SEMA6A: variants seen among roughly 807,000 people sequenced by gnomAD.
SEMA6A encodes semaphorin-6A.
In SEMA6A, 25 loss-of-function variants were observed where a neutral mutation model predicts 96.8. The ratio of observed to expected loss-of-function variants is 0.26; its 90% CI spans 0.19 to 0.36. The LOEUF (loss-of-function observed/expected upper bound fraction) is 0.36. SEMA6A is among the 10% of genes least tolerant of loss of function. The probability of loss-of-function intolerance (pLI) is 1.00; values close to 1 mark genes in which losing one functional copy is unlikely to be tolerated. For synonymous variants in SEMA6A, 612 were observed against 518.0 expected (o/e 1.18, Z -2.46); for missense variants, 1,363 against 1,323.1 (o/e 1.03, Z -0.47).
intron 18 of SEMA6A, among the ~76,000 whole-genome samples, chr5:116,450,472 G>A (rs2112584648): frequency 6.6e-6 from 1 of 152,318 alleles, no homozygotes; most frequent in Middle Eastern, 3.4e-3. Flanking sequence ...TGGGAAAACT[G>A]CAAATTTTTC....
intron 1 of SEMA6A, among the ~76,000 whole-genome samples, chr5:116,538,500 G>A (rs1187416417): frequency 6.6e-6 from 1 of 152,136 alleles, no homozygotes; most frequent in East Asian, 1.9e-4. Context: ...ATTATTTTCA[G>A]GTCCATGTTT....
intron 18 of SEMA6A, among the ~76,000 whole-genome samples, chr5:116,462,502 T>G (rs1055070295): frequency 2.0e-5 from 3 of 152,194 alleles, no homozygotes; most frequent in African/African-American, 7.2e-5. Flanking sequence ...GAGAAAAAAC[T>G]TGCCAGATGC....
In SEMA6A at chr5:116,447,790, A is replaced by G. The variant is rs745968384; in HGVS notation, c.1916T>C (p.Leu639Pro). ...GGGAACCAGCTGGTCGTGGCCTTTG[A>G]GGTAACTTTCCCGAATCACTCCTGC... ...DKKGVIRESY[L>P]KGHDQLVPVT... Residue 639 changes from leucine to proline, a missense_variant, in exon 19 of 19, where the codon CTC (leucine) becomes CCC (proline). Coordinates refer to ENST00000343348, the MANE Select transcript of SEMA6A (RefSeq NM_020796.5). 29 of 1,601,090 alleles carry G rather than the reference A, an allele frequency of 1.8e-5. No homozygotes were observed. Among genetic ancestry groups the G allele is most frequent in the Non-Finnish European group, 2.5e-5 (29 of 1,170,476 alleles).
At chr5:116,502,469 C>G in intron 2 of SEMA6A, 142 bp from the exon 3 acceptor site, 1 of 639,898 alleles carries the variant, frequency 1.6e-6, no homozygotes, top group Non-Finnish European at 2.8e-6. Context: ...CCATATGAGT[C>G]TGTTATTTTA....
chr5:116,473,217 G>T, intron 16 of SEMA6A, 124 bp from the exon 17 acceptor site: 1 of 890,734 alleles, frequency 1.1e-6, no homozygotes, highest in Non-Finnish European at 1.7e-6. Flanking sequence ...CTAAGTAAGT[G>T]CTTTTTAATT....
chr5:116,494,078 C>T (rs569154181), intron 6 of SEMA6A, among the ~76,000 whole-genome samples: 13 of 152,308 alleles, frequency 8.5e-5, no homozygotes, highest in Admixed American at 5.9e-4. Context: ...CTCTCTTTAT[C>T]CTGTGCTTAT....
chr5:116,536,896 C>CAAAAAAAAAAAAA (rs1344678482), intron 1 of SEMA6A, among the ~76,000 whole-genome samples: 85 of 80,010 alleles, frequency 1.1e-3, no homozygotes, highest in African/African-American at 2.7e-3. Flanking sequence ...AAAAAAAAAG[C>CAAAAAAAAAAAAA]AAAACTGGTG....
rs888247905 is a variant in SEMA6A, at chr5:116,489,157, G to T, written c.536-150C>A. Reference sequence around the variant, plus strand: ...TCCAAGAGTCGCTGGGAAAACTCTTGGCCCACATTCCTAACCATTTTAAAT... The same window carrying T: ...TCCAAGAGTCGCTGGGAAAACTCTTTGCCCACATTCCTAACCATTTTAAAT... On this transcript the variant is annotated intron_variant, in intron 7 of 18. Coordinates refer to ENST00000343348, the MANE Select transcript of SEMA6A (RefSeq NM_020796.5). 3.3e-6 allele frequency: 3 copies of T among 899,886 alleles called. No individual in the cohort carries two copies. The African/African-American group carries it at 5.1e-5, about 15-fold the overall frequency. 55.7% of individuals were successfully genotyped at this position (899,886 alleles called of 1,614,324 possible).
At chr5:116,483,782 G>A (rs1279900946) in intron 10 of SEMA6A, among the ~76,000 whole-genome samples, 2 of 152,142 alleles carry the variant, frequency 1.3e-5, no homozygotes, top group African/African-American at 4.8e-5. Context: ...GACAGTGATA[G>A]GCCGGGCGAA....
At chr5:116,483,464 G>C (rs1756892188) in intron 10 of SEMA6A, among the ~76,000 whole-genome samples, 1 of 152,202 alleles carries the variant, frequency 6.6e-6, no homozygotes, top group Non-Finnish European at 1.5e-5. Flanking sequence ...CAGGACAAGA[G>C]ACACGGGTGC....
intron 18 of SEMA6A, among the ~76,000 whole-genome samples, chr5:116,463,386 C>G (rs1159209958): frequency 6.6e-6 from 1 of 152,180 alleles, no homozygotes; most frequent in African/African-American, 2.4e-5. Context: ...AAATAATTAA[C>G]TATAAAGAGA....
intron 1 of SEMA6A, among the ~76,000 whole-genome samples, chr5:116,540,335 C>T (rs1470319386): frequency 6.6e-6 from 1 of 152,190 alleles, no homozygotes; most frequent in Admixed American, 6.5e-5. Context: ...GCCATCAGTA[C>T]AAACTTATGC....
intron 1 of SEMA6A, among the ~76,000 whole-genome samples, chr5:116,545,289 G>A (rs997433725): frequency 2.6e-5 from 4 of 152,128 alleles, no homozygotes; most frequent in African/African-American, 7.2e-5. Context: ...TGCTTCCCTC[G>A]GCCAGGCACG....
At chr5:116,513,601 CTTT>C (rs138397170) in intron 1 of SEMA6A, among the ~76,000 whole-genome samples, 1 of 133,252 alleles carries the variant, frequency 7.5e-6, no homozygotes, top group Admixed American at 7.5e-5. Flanking sequence ...TCTTGATTTT[CTTT>C]TTTTTTTTTT....
At position 116,447,759 on chromosome 5, in the gene SEMA6A, G is replaced by A. The variant is rs1249381415; in HGVS notation, c.1947C>T (p.Thr649=). 1 of 1,611,466 alleles carries A rather than the reference G, an allele frequency of 6.2e-7. No individual in the cohort carries two copies. Among genetic ancestry groups the A allele is most frequent in the Non-Finnish European group, 8.5e-7 (1 of 1,177,812 alleles). ...LKGHDQLVPV[T]LLAIAVILAF... Reference sequence around the variant, plus strand: ...CCAGGATGACTGCAATGGCCAAGAGGGTGACGGGAACCAGCTGGTCGTGGC... The same window carrying A: ...CCAGGATGACTGCAATGGCCAAGAGAGTGACGGGAACCAGCTGGTCGTGGC... The change falls in exon 19 of 19, where the codon ACC becomes ACT. Residue 649 remains threonine (T), a synonymous_variant. Coordinates refer to ENST00000343348, the MANE Select transcript of SEMA6A (RefSeq NM_020796.5).
intron 18 of SEMA6A, among the ~76,000 whole-genome samples, chr5:116,465,310 A>C (rs114854578): frequency 2.6e-3 from 397 of 152,344 alleles, no homozygotes; most frequent in Non-Finnish European, 4.5e-3. Flanking sequence ...AAATGAAACA[A>C]AAGTTGAAAA....
intron 1 of SEMA6A, among the ~76,000 whole-genome samples, chr5:116,534,152 C>G (rs1368957347): frequency 6.6e-6 from 1 of 152,196 alleles, no homozygotes; most frequent in African/African-American, 2.4e-5. Flanking sequence ...TTCACCAAAA[C>G]TACTTTCAAA....
chr5:116,448,683 T>A (rs529818413), intron 18 of SEMA6A, among the ~76,000 whole-genome samples: 1 of 150,024 alleles, frequency 6.7e-6, no homozygotes, highest in Non-Finnish European at 1.5e-5. Flanking sequence ...GTGTGTCATT[T>A]TTATTTACAC....
chr5:116,541,867 C>G (rs944000613), intron 1 of SEMA6A, among the ~76,000 whole-genome samples: 1 of 151,800 alleles, frequency 6.6e-6, no homozygotes, highest in Non-Finnish European at 1.5e-5. Flanking sequence ...CAAAAAATAG[C>G]GTGAACTCGG....
Sources: gnomAD v4.1 joint callset for allele counts (sites outside exome capture counted in the v4.1 genomes callset) on GRCh38, gnomAD v4.1.1 for gene constraint, MANE v1.5 for transcripts, NCBI Gene and HGNC (gene_info 2026-07-23, HGNC 2026-07-21) for gene names.